Variants in SLC25A15 observed in about 807,000 individuals in gnomAD.
SLC25A15 encodes solute carrier family 25 member 15, also known as mitochondrial ornithine transporter 1.
Under a neutral mutation model 32.3 loss-of-function variants are expected in SLC25A15, and 24 were observed. That is an observed-to-expected ratio of 0.74 (90% CI 0.54 to 1.04). The LOEUF (loss-of-function observed/expected upper bound fraction) is 1.04. SLC25A15 is among the 50% of genes least tolerant of loss of function. SLC25A15 has a pLI of 0.00. For synonymous variants in SLC25A15, 132 were observed against 142.1 expected (o/e 0.93, Z 0.51); for missense variants, 317 against 374.5 (o/e 0.85, Z 1.27).
chr13:40,800,118 ATTTCAGTAGGAGT>A (rs1593291549), intron 3 of SLC25A15, among the ~76,000 whole-genome samples: 1 of 152,304 alleles, frequency 6.6e-6, no homozygotes, highest in Admixed American at 6.5e-5. Context: ...AGTCTTAGTT[ATTTCAGTAGGAGT>A]TTGAAACCTG....
intron 4 of SLC25A15, 106 bp downstream of exon 4, chr13:40,805,361 C>G (rs1882133241): frequency 3.9e-6 from 5 of 1,282,056 alleles, no homozygotes; most frequent in Non-Finnish European, 5.5e-6. Flanking sequence ...GCCAATTTAT[C>G]TACTCCAAAA....
intron 1 of SLC25A15, among the ~76,000 whole-genome samples, chr13:40,791,655 C>G (rs1488671695): frequency 1.3e-5 from 2 of 152,122 alleles, no homozygotes; most frequent in Non-Finnish European, 2.9e-5. Flanking sequence ...CCGCGCCTGG[C>G]CAGGACCCTG....
At chr13:40,797,103 C>T (rs369394272) in intron 2 of SLC25A15, among the ~76,000 whole-genome samples, 20 of 152,276 alleles carry the variant, frequency 1.3e-4, no homozygotes, top group African/African-American at 4.8e-4. Context: ...ACAGTCTTCT[C>T]TCACTTGAGG....
chr13:40,792,475 GGGAAGATGTGTGTGACA>G lies in SLC25A15; in HGVS notation c.-69-674_-69-658del. On this transcript the variant is annotated intron_variant, in intron 1 of 6. Transcript: ENST00000338625. ...TGAAGGGCTGGTGGTCTGTGGTGAC[GGGAAGATGTGTGTGACA>G]GGAAGATGCTTGCGCAGGGCCTTGT... Among the ~76,000 whole-genome samples, 4 of 152,350 alleles carry G rather than the reference GGGAAGATGTGTGTGACA, an allele frequency of 2.6e-5. No homozygotes were observed. In the South Asian group the frequency reaches 8.3e-4, roughly 32 times the overall value.
intron 3 of SLC25A15, among the ~76,000 whole-genome samples, 174 bp from the exon 4 acceptor site, chr13:40,804,944 G>C (rs1029278200): frequency 7.2e-5 from 11 of 151,966 alleles, no homozygotes; most frequent in African/African-American, 2.7e-4. Context: ...CTGTAGCCTA[G>C]AACACATGGG....
intron 6 of SLC25A15, 77 bp from the exon 7 acceptor site, chr13:40,809,466 T>C: frequency 1.9e-6 from 3 of 1,576,968 alleles, no homozygotes; most frequent in Non-Finnish European, 2.6e-6. Context: ...TGTGTAAATA[T>C]ACCTATGCTA....
At chr13:40,804,527 T>C (rs1882063411) in intron 3 of SLC25A15, among the ~76,000 whole-genome samples, 1 of 145,438 alleles carries the variant, frequency 6.9e-6, no homozygotes, top group South Asian at 2.2e-4. Flanking sequence ...CACATGCAAG[T>C]TTCCTTCCTT....
chr13:40,809,486 G>A (rs1184842824), intron 6 of SLC25A15, 57 bp from the exon 7 acceptor site: 37 of 1,609,244 alleles, frequency 2.3e-5, no homozygotes, highest in Non-Finnish European at 2.6e-5. Context: ...ATGCAGCTGC[G>A]TGGGTATCCC....
rs998096480 is a variant in SLC25A15, at chr13:40,803,322, C to T, written c.315-1796C>T. On this transcript the variant is annotated intron_variant, in intron 3 of 6. Transcript: ENST00000338625. ...CTCTGCCTCCCTGGTTCAAGCGCTT[C>T]TTGTGCCTCAGCCACCAGAGTAGCT... 6.6e-5 allele frequency among the ~76,000 whole-genome samples: 10 copies of T among 151,878 alleles called. No homozygotes were observed. In the South Asian group the frequency reaches 8.3e-4, roughly 13 times the overall value.
At chr13:40,804,258 C>T (rs897005250) in intron 3 of SLC25A15, among the ~76,000 whole-genome samples, 1 of 151,218 alleles carries the variant, frequency 6.6e-6, no homozygotes. Flanking sequence ...TCCTCATGAC[C>T]TCATCTACAC....
At chr13:40,794,582 A>T (rs1256689845) in intron 2 of SLC25A15, among the ~76,000 whole-genome samples, 3 of 152,194 alleles carry the variant, frequency 2.0e-5, no homozygotes, top group African/African-American at 7.2e-5. Context: ...CAGGACCCTC[A>T]GGCTGGGAAA....
rs549051454 is a variant in SLC25A15 at position 40,790,348 on chromosome 13, A to G, written c.-70+685A>G. On this transcript the variant is annotated intron_variant, in intron 1 of 6. Transcript: ENST00000338625. ...TGTTCCTCAGTTGCACCCTGGTGTA[A>G]TTTGAGAGAGGGGTCAAAGGCGCTG... Among the ~76,000 whole-genome samples the G allele has an allele frequency of 9.8e-5, 15 of 152,286 alleles. No individual in the cohort carries two copies. The South Asian group carries it at 3.1e-3, about 32-fold the overall frequency.
intron 3 of SLC25A15, among the ~76,000 whole-genome samples, chr13:40,799,719 A>C (rs1199868958): frequency 6.6e-6 from 1 of 152,226 alleles, no homozygotes; most frequent in Non-Finnish European, 1.5e-5. Flanking sequence ...CTCCAGGAGA[A>C]TGCTGTTCAG....
Position 40,807,427 on chromosome 13 carries a change from T to C in SLC25A15, c.586T>C (p.Ser196Pro). ...FFFGGYELSR[S>P]FFASGRSKDE... ...CTTCGGTGGCTATGAACTGAGCCGGTCCTTTTTTGCATCAGGGAGATCAAA... is the reference window on the plus strand; with the variant it reads ...CTTCGGTGGCTATGAACTGAGCCGGCCCTTTTTTGCATCAGGGAGATCAAA... Residue 196 changes from serine to proline, a missense_variant, in exon 5 of 7, where the codon TCC becomes CCC. Coordinates refer to ENST00000338625, the MANE Select transcript of SLC25A15 (RefSeq NM_014252.4). The C allele has an allele frequency of 1.2e-6, 2 of 1,614,178 alleles. No individual in the cohort carries two copies. Among genetic ancestry groups the C allele is most frequent in the Middle Eastern group, 1.6e-4 (1 of 6,062 alleles).
At chr13:40,809,501 G>A (rs1374235047) in intron 6 of SLC25A15, 42 bp from the exon 7 acceptor site, 1 of 1,611,790 alleles carries the variant, frequency 6.2e-7, no homozygotes, top group Non-Finnish European at 8.5e-7. Flanking sequence ...TATCCCCAAA[G>A]GAGGGATTGT....
At chr13:40,794,385 T>C (rs1415811682) in intron 2 of SLC25A15, among the ~76,000 whole-genome samples, 3 of 151,148 alleles carry the variant, frequency 2.0e-5, no homozygotes, top group African/African-American at 7.3e-5. Flanking sequence ...AGACTGATAA[T>C]GGACTGTGTC....
chr13:40,791,515 G>A (rs1424647078), intron 1 of SLC25A15, among the ~76,000 whole-genome samples: 1 of 151,602 alleles, frequency 6.6e-6, no homozygotes, highest in African/African-American at 2.4e-5. Flanking sequence ...GCATCACCAC[G>A]CTGGGGTCAT....
At chr13:40,792,549 G>A (rs1881549245) in intron 1 of SLC25A15, among the ~76,000 whole-genome samples, 2 of 152,212 alleles carry the variant, frequency 1.3e-5, no homozygotes, top group South Asian at 4.1e-4. Flanking sequence ...TGCACGGTGT[G>A]GCGTCCCATC....
Position 40,811,231 on chromosome 13 carries a change from C to T in SLC25A15, c.*1564C>T, listed in dbSNP as rs1264788668. The stretch of plus-strand genomic sequence containing the variant: ...GTAGGCCAGGCGCAGTGGCTCACGC[C>T]TATAATCCCAGCACTTTGGGAGGCT... On this transcript the variant is annotated 3_prime_UTR_variant, in exon 7 of 7. Transcript: ENST00000338625. 6.6e-6 allele frequency among the ~76,000 whole-genome samples: 1 copy of T among 152,194 alleles called. No individual in the cohort carries two copies. Among genetic ancestry groups the T allele is most frequent in the Admixed American group, 6.5e-5 (1 of 15,284 alleles).
Sources: gnomAD v4.1 joint callset for allele counts (sites outside exome capture counted in the v4.1 genomes callset) on GRCh38, gnomAD v4.1.1 for gene constraint, MANE v1.5 for transcripts, NCBI Gene and HGNC (gene_info 2026-07-23, HGNC 2026-07-21) for gene names.